Variants in AVEN observed in about 807,000 individuals in gnomAD.
AVEN encodes apoptosis and caspase activation inhibitor, also known as cell death regulator Aven.
A neutral mutation model predicts 38.1 loss-of-function variants in AVEN; 41 were observed. The ratio of observed to expected loss-of-function variants is 1.08; its 90% confidence interval spans 0.84 to 1.40. The LOEUF is 1.40. Ranked by LOEUF, AVEN falls within the 40% of genes most tolerant of loss-of-function variation. AVEN has a pLI of 0.00. For missense variants in AVEN, 605 were observed against 438.8 expected (o/e 1.38, Z -3.38); for synonymous variants, 206 against 171.8 (o/e 1.20, Z -1.56).
rs143652639 is a variant in AVEN, at chr15:34,033,492, C to T, written c.267+5288G>A. Among the ~76,000 whole-genome samples the T allele has an allele frequency of 1.3e-3, 186 of 147,130 alleles. 5 individuals carry two copies. The East Asian group carries it at 0.031, about 24-fold the overall frequency. ...CTGCACTCCAGCCTGGGTAACAGAGCGAGGCTCCGTCTCAAAAAAAAAAAA... is the reference window on the plus strand; with the variant it reads ...CTGCACTCCAGCCTGGGTAACAGAGTGAGGCTCCGTCTCAAAAAAAAAAAA... On this transcript the variant is annotated intron_variant, in intron 1 of 5. Transcript: ENST00000306730.
chr15:33,931,339 T>G (rs1893834676), intron 2 of AVEN, among the ~76,000 whole-genome samples: 1 of 140,540 alleles, frequency 7.1e-6, no homozygotes, highest in Non-Finnish European at 1.5e-5. Context: ...GAAACTATGC[T>G]GAATATTTTC....
intron 3 of AVEN, among the ~76,000 whole-genome samples, chr15:33,871,774 CAA>C (rs55793582): frequency 7.6e-5 from 7 of 91,592 alleles, no homozygotes; most frequent in African/African-American, 1.6e-4. Flanking sequence ...CTAGTCTCCT[CAA>C]AAAAAAAAAA....
intron 1 of AVEN, among the ~76,000 whole-genome samples, chr15:34,032,676 A>T (rs146596210): frequency 1.6e-4 from 24 of 152,312 alleles, no homozygotes; most frequent in Middle Eastern, 3.4e-3. Context: ...TTTTTCAGGG[A>T]ATCAACTTCC....
intron 3 of AVEN, among the ~76,000 whole-genome samples, chr15:33,873,386 C>T (rs1398777456): frequency 6.6e-6 from 1 of 150,636 alleles, no homozygotes; most frequent in Non-Finnish European, 1.5e-5. Flanking sequence ...AGGCGTGAGC[C>T]ACTGCGCCCG....
chr15:33,895,327 CTTT>C (rs11418301), intron 2 of AVEN, among the ~76,000 whole-genome samples: 10 of 140,962 alleles, frequency 7.1e-5, no homozygotes, highest in African/African-American at 2.3e-4. Flanking sequence ...AACTATATTT[CTTT>C]TTTTTTTTTT....
At chr15:33,863,155 C>T (rs1037144797), downstream of AVEN, among the ~76,000 whole-genome samples, 2 of 152,148 alleles carry the variant, frequency 1.3e-5, no homozygotes, top group Non-Finnish European at 2.9e-5. Flanking sequence ...CCTCTAGGAG[C>T]AAGCTTGAGG....
At chr15:33,893,183 CT>C (rs1892060859) in intron 2 of AVEN, among the ~76,000 whole-genome samples, 1 of 152,182 alleles carries the variant, frequency 6.6e-6, no homozygotes, top group East Asian at 1.9e-4. Context: ...AATTTGACTT[CT>C]TCTTTTCCTA....
chr15:33,890,408 C>G (rs766612070), intron 2 of AVEN, among the ~76,000 whole-genome samples: 42 of 151,988 alleles, frequency 2.8e-4, no homozygotes, highest in Non-Finnish European at 5.6e-4. Flanking sequence ...TATATGCATG[C>G]AAGAATAAAT....
chr15:34,006,014 T>G (rs1202669134), intron 1 of AVEN, among the ~76,000 whole-genome samples: 1 of 152,112 alleles, frequency 6.6e-6, no homozygotes, highest in Non-Finnish European at 1.5e-5. Context: ...AGGAACATTC[T>G]ACAGAAAATA....
intron 5 of AVEN, among the ~76,000 whole-genome samples, chr15:34,051,085 A>G (rs1303794072): frequency 6.6e-6 from 1 of 152,212 alleles, no homozygotes; most frequent in Non-Finnish European, 1.5e-5. Flanking sequence ...TCTAAAACTG[A>G]TTACATAATC....
chr15:34,011,294 C>G (rs28471985), intron 1 of AVEN, among the ~76,000 whole-genome samples: 42,956 of 151,942 alleles, frequency 0.28, 7,521 homozygotes, highest in African/African-American at 0.49. Flanking sequence ...TTCAATAAAA[C>G]ATTGAATAAA....
intron 2 of AVEN, among the ~76,000 whole-genome samples, chr15:33,973,789 T>G (rs1895750550): frequency 6.6e-6 from 1 of 152,232 alleles, no homozygotes; most frequent in Non-Finnish European, 1.5e-5. Context: ...CACATCTAAT[T>G]TATCTGTCTA....
chr15:34,035,063 C>T (rs1239507644), intron 1 of AVEN, among the ~76,000 whole-genome samples: 2 of 152,140 alleles, frequency 1.3e-5, no homozygotes, highest in African/African-American at 2.4e-5. Flanking sequence ...CAGGTTCACA[C>T]TAAACTTGAA....
chr15:33,956,280 G>C (rs957728225), intron 2 of AVEN, among the ~76,000 whole-genome samples: 2 of 151,894 alleles, frequency 1.3e-5, no homozygotes, highest in Admixed American at 1.3e-4. Flanking sequence ...CCATCTCCCC[G>C]CTCCTCCAAT....
At chr15:33,884,760 C>A (rs1032750934) in intron 2 of AVEN, among the ~76,000 whole-genome samples, 3 of 152,158 alleles carry the variant, frequency 2.0e-5, no homozygotes, top group Admixed American at 2.0e-4. Context: ...ACAATCTTTA[C>A]TCAGGCAGAA....
At chr15:34,069,619 T>C (rs1383701078) in intron 2 of AVEN, among the ~76,000 whole-genome samples, 1 of 152,224 alleles carries the variant, frequency 6.6e-6, no homozygotes, top group East Asian at 1.9e-4. Flanking sequence ...ATTGGTGATG[T>C]TAATATTGAT....
chr15:34,072,684 T>A (rs970426879), intron 1 of AVEN, among the ~76,000 whole-genome samples: 1 of 152,070 alleles, frequency 6.6e-6, no homozygotes, highest in South Asian at 2.1e-4. Flanking sequence ...TCTTGCTCTG[T>A]TGCCCAGGCT....
chr15:33,946,087 G>A (rs1894500364), intron 2 of AVEN, among the ~76,000 whole-genome samples: 1 of 152,146 alleles, frequency 6.6e-6, no homozygotes, highest in African/African-American at 2.4e-5. Context: ...GAACTGAGGA[G>A]GAAGTAATGA....
chr15:34,035,902 C>T (rs995503849), intron 1 of AVEN, among the ~76,000 whole-genome samples: 3 of 152,170 alleles, frequency 2.0e-5, no homozygotes, highest in African/African-American at 7.2e-5. Context: ...TCAAAACAAT[C>T]CGGCTGCTTC....
Sources: allele counts gnomAD v4.1 joint callset (sites outside exome capture counted in the v4.1 genomes callset), GRCh38; gene constraint gnomAD v4.1.1; transcripts MANE v1.5; gene names NCBI Gene and HGNC (gene_info 2026-07-23, HGNC 2026-07-21).